Variants in ALDH2 observed in about 807,000 individuals in gnomAD.
ALDH2 encodes the protein aldehyde dehydrogenase 2 family member, also known as aldehyde dehydrogenase, mitochondrial.
A neutral mutation model predicts 59.6 loss-of-function variants in ALDH2; 44 were observed. That is an observed-to-expected ratio of 0.74 (90% confidence interval 0.58 to 0.95). ALDH2 has a LOEUF of 0.95. Ranked by LOEUF, ALDH2 falls within the 40% of genes least tolerant of loss-of-function variation. ALDH2 has a pLI of 0.00. For missense variants in ALDH2, 570 were observed against 696.3 expected, an observed-to-expected ratio of 0.82 and a Z score of 2.04; for synonymous variants, 291 against 284.0, an observed-to-expected ratio of 1.02 and a Z score of -0.25.
chr12:111,781,829 T>C (rs2068273878), intron 1 of ALDH2, 89 bp from the exon 2 acceptor site: 1 of 1,006,248 alleles, frequency 9.9e-7, no homozygotes, highest in Non-Finnish European at 1.5e-6. Flanking sequence ...TCATATTTGC[T>C]TTTTCTTGTT....
intron 1 of ALDH2, among the ~76,000 whole-genome samples, chr12:111,768,102 A>G (rs2068173011): frequency 6.6e-6 from 1 of 152,224 alleles, no homozygotes; most frequent in Non-Finnish European, 1.5e-5. Flanking sequence ...CATTTTACAG[A>G]TGAAGAGACT....
intron 9 of ALDH2, among the ~76,000 whole-genome samples, chr12:111,797,489 T>C (rs1267954118): frequency 6.6e-6 from 1 of 152,086 alleles, no homozygotes; most frequent in Non-Finnish European, 1.5e-5. Flanking sequence ...TAGTCCCAGC[T>C]ACTCGGGAGG....
At chr12:111,790,596 G>C in intron 6 of ALDH2, 34 bp downstream of exon 6, 1 of 1,613,936 alleles carries the variant, frequency 6.2e-7, no homozygotes, top group Admixed American at 1.7e-5. Flanking sequence ...ACCTCTAAAT[G>C]CCCTTGTTGA....
chr12:111,769,307 C>T (rs2068181868), intron 1 of ALDH2, among the ~76,000 whole-genome samples: 1 of 152,008 alleles, frequency 6.6e-6, no homozygotes, highest in Admixed American at 6.6e-5. Context: ...AATTCCAGCA[C>T]TTTGGGATGC....
chr12:111,769,713 C>T (rs149145363), intron 1 of ALDH2, among the ~76,000 whole-genome samples: 81 of 152,156 alleles, frequency 5.3e-4, no homozygotes, highest in African/African-American at 1.9e-3. Flanking sequence ...GAGCATTCTA[C>T]TCTGGTGGCG....
intron 9 of ALDH2, among the ~76,000 whole-genome samples, chr12:111,794,099 A>G (rs1049519683): frequency 2.7e-5 from 4 of 147,774 alleles, no homozygotes; most frequent in Non-Finnish European, 6.0e-5. Flanking sequence ...GCTCACTGCA[A>G]CCTGTACCTC....
chr12:111,791,322 G>T lies in ALDH2; in HGVS notation c.698G>T (p.Gly233Val). 1 of 1,613,994 alleles carries T rather than the reference G, an allele frequency of 6.2e-7. No homozygotes were observed. The highest frequency in any genetic ancestry group is 8.5e-7 in the Non-Finnish European group (1 of 1,179,956). Reference protein sequence around the residue: ...NLIKEAGFPPGVVNIVPGFGP... With the variant: ...NLIKEAGFPPVVVNIVPGFGP... ...TGCTCACAGGCTGGCTTTCCCCCTG[G>T]TGTGGTCAACATTGTGCCTGGATTT... Residue 233 changes from glycine to valine, a missense_variant, in exon 7 of 13, where the codon GGT becomes GTT. By Grantham distance (109) the Gly-to-Val change is moderately radical. Coordinates refer to ENST00000261733, the MANE Select transcript of ALDH2 (RefSeq NM_000690.4).
At chr12:111,803,641 C>G (rs1221705640) in intron 11 of ALDH2, among the ~76,000 whole-genome samples, 1 of 151,556 alleles carries the variant, frequency 6.6e-6, no homozygotes, top group African/African-American at 2.4e-5. Flanking sequence ...GAAGCTGAGG[C>G]AGGAGAATCT....
chr12:111,773,182 G>GTTCCAGT (rs1179411862), intron 1 of ALDH2, among the ~76,000 whole-genome samples: 4 of 152,022 alleles, frequency 2.6e-5, no homozygotes, highest in African/African-American at 9.7e-5. Flanking sequence ...CCCAGGAGGC[G>GTTCCAGT]GAGGTTGTGG....
At chr12:111,789,522 A>G (rs1198623767) in intron 4 of ALDH2, among the ~76,000 whole-genome samples, 1 of 150,428 alleles carries the variant, frequency 6.6e-6, no homozygotes, top group Non-Finnish European at 1.5e-5. Context: ...AAAGAAAGAA[A>G]AAAAAAAAAT....
chr12:111,778,325 A>G (rs1690133388), intron 1 of ALDH2, among the ~76,000 whole-genome samples: 1 of 152,086 alleles, frequency 6.6e-6, no homozygotes, highest in Non-Finnish European at 1.5e-5. Flanking sequence ...TGAGTGGATC[A>G]CCTGAGGTCA....
intron 9 of ALDH2, 109 bp downstream of exon 9, chr12:111,792,891 C>T (rs2068374745): frequency 8.1e-7 from 1 of 1,227,846 alleles, no homozygotes; most frequent in Non-Finnish European, 1.1e-6. Flanking sequence ...AGCTCTACCA[C>T]ACAGCAGCTG....
rs764776351 is a variant in ALDH2 at position 111,799,944 on chromosome 12, C to T, written c.1287C>T (p.Thr429=). 5 of 1,614,044 alleles carry T rather than the reference C, an allele frequency of 3.1e-6. No homozygotes were observed. In the Admixed American group the frequency reaches 6.7e-5, roughly 22 times the overall value. ...GPVMQILKFK[T]IEEVVGRANN... ...TGATGCAGATCCTGAAGTTCAAGAC[C>T]ATAGAGGAGGTTGTTGGGAGAGCCA... The change falls in exon 11 of 13, where the codon ACC becomes ACT. Residue 429 remains threonine (T), a synonymous_variant. Transcript: ENST00000261733.
chr12:111,774,732 C>G (rs919326306), intron 1 of ALDH2, among the ~76,000 whole-genome samples: 19 of 152,166 alleles, frequency 1.2e-4, no homozygotes, highest in African/African-American at 4.3e-4. Context: ...GGGTGGTGGC[C>G]AGAATTTCAT....
chr12:111,790,021 C>A, intron 5 of ALDH2, 87 bp downstream of exon 5: 1 of 1,296,270 alleles, frequency 7.7e-7, no homozygotes, highest in Non-Finnish European at 1.1e-6. Context: ...GGGGTGGTGT[C>A]GGAAGGCAGC....
At position 111,789,934 on chromosome 12, in the gene ALDH2, G is replaced by A. The variant is rs765448984; in HGVS notation, c.552G>A (p.Pro184=). 13 of 1,613,236 alleles carry A rather than the reference G, an allele frequency of 8.1e-6. No individual in the cohort carries two copies. The highest frequency in any genetic ancestry group is 2.2e-5 in the South Asian group (2 of 91,046). The change falls in exon 5 of 13, where the codon CCG becomes CCA. Residue 184 remains proline, a splice_region_variant and synonymous_variant. Coordinates refer to ENST00000261733, the MANE Select transcript of ALDH2 (RefSeq NM_000690.4). Reference sequence around the variant, plus strand: ...TGGGGGTGTGCGGGCAGATCATTCCGGTGAGTCCAGCCTCCCTGGAGTTTC... The same window carrying A: ...TGGGGGTGTGCGGGCAGATCATTCCAGTGAGTCCAGCCTCCCTGGAGTTTC... ...EPVGVCGQII[P]WNFPLLMQAW...
intron 2 of ALDH2, among the ~76,000 whole-genome samples, chr12:111,782,759 G>C (rs2068281245): frequency 6.6e-6 from 1 of 151,864 alleles, no homozygotes; most frequent in Admixed American, 6.6e-5. Flanking sequence ...GGCATCTCTT[G>C]AGTAATCCCA....
intron 9 of ALDH2, among the ~76,000 whole-genome samples, chr12:111,795,360 G>A (rs2068394858): frequency 6.6e-6 from 1 of 152,118 alleles, no homozygotes; most frequent in African/African-American, 2.4e-5. Flanking sequence ...TCAGCTCACT[G>A]CAACCTCCAC....
intron 9 of ALDH2, among the ~76,000 whole-genome samples, chr12:111,797,143 C>T (rs1177773909): frequency 1.3e-5 from 2 of 152,034 alleles, no homozygotes; most frequent in African/African-American, 2.4e-5. Context: ...CTATGTTGGC[C>T]AGGCTAGTCT....
Sources: gnomAD v4.1 joint callset for allele counts (sites outside exome capture counted in the v4.1 genomes callset) on GRCh38, gnomAD v4.1.1 for gene constraint, MANE v1.5 for transcripts, NCBI Gene and HGNC (gene_info 2026-07-23, HGNC 2026-07-21) for gene names.